GUCA1C: variants seen among roughly 807,000 people sequenced by gnomAD.
The protein encoded by GUCA1C is guanylyl cyclase-activating protein 3.
A neutral mutation model predicts 16.2 loss-of-function variants in GUCA1C; 15 were observed. The observed-to-expected ratio is 0.93, with a 90% CI of 0.62 to 1.43. The LOEUF (loss-of-function observed/expected upper bound fraction) is 1.43. Among genes scored for constraint, GUCA1C ranks in the 40% most tolerant of loss-of-function variants. The pLI is 0.00. For missense variants in GUCA1C, 275 were observed against 244.8 expected, an observed-to-expected ratio of 1.12 and a Z score of -0.82; for synonymous variants, 78 against 85.4, an observed-to-expected ratio of 0.91 and a Z score of 0.48.
chr3:108,945,683 C>G (rs914351243), intron 1 of GUCA1C, among the ~76,000 whole-genome samples: 1 of 152,030 alleles, frequency 6.6e-6, no homozygotes, highest in Non-Finnish European at 1.5e-5. Flanking sequence ...TAAGCATGTA[C>G]GTAGAACATG....
At chr3:108,919,267 G>T (rs1246136587) in intron 2 of GUCA1C, among the ~76,000 whole-genome samples, 1 of 151,650 alleles carries the variant, frequency 6.6e-6, no homozygotes, top group African/African-American at 2.4e-5. Flanking sequence ...AGGGCTTAAT[G>T]CATTAAGCAT....
At chr3:108,950,195 A>C (rs1033116932) in intron 1 of GUCA1C, among the ~76,000 whole-genome samples, 1 of 152,146 alleles carries the variant, frequency 6.6e-6, no homozygotes, top group South Asian at 2.1e-4. Flanking sequence ...CCCCAGGTTC[A>C]TCTATGTTGC....
chr3:108,953,341 C>T (rs1946914916), intron 1 of GUCA1C, among the ~76,000 whole-genome samples: 1 of 152,124 alleles, frequency 6.6e-6, no homozygotes, highest in Admixed American at 6.5e-5. Flanking sequence ...CAGAACACTT[C>T]CTAGGGTGGG....
intron 1 of GUCA1C, among the ~76,000 whole-genome samples, chr3:108,950,589 T>C (rs1490735114): frequency 6.6e-6 from 1 of 152,200 alleles, no homozygotes; most frequent in Non-Finnish European, 1.5e-5. Flanking sequence ...CAAGGAGAAA[T>C]CCACCATGCT....
At chr3:108,940,128 T>C (rs1946771146) in intron 1 of GUCA1C, among the ~76,000 whole-genome samples, 1 of 152,224 alleles carries the variant, frequency 6.6e-6, no homozygotes, top group Admixed American at 6.5e-5. Flanking sequence ...ACAAATATGA[T>C]GTACTTTATT....
chr3:108,935,359 A>T (rs922986226), intron 1 of GUCA1C, among the ~76,000 whole-genome samples: 1 of 151,396 alleles, frequency 6.6e-6, no homozygotes, highest in Admixed American at 6.8e-5. Flanking sequence ...AAAAAAAAAT[A>T]AAAAATAAAA....
rs548293288 is a variant in GUCA1C at position 108,935,029 on chromosome 3, G to A, written c.205-14444C>T. Among the ~76,000 whole-genome samples, 4 of 151,786 alleles carry A rather than the reference G, an allele frequency of 2.6e-5. No homozygotes were observed. The South Asian group carries it at 6.3e-4, about 24-fold the overall frequency. On this transcript the variant is annotated intron_variant, in intron 1 of 3. Coordinates refer to ENST00000261047, the MANE Select transcript of GUCA1C (RefSeq NM_005459.4). The stretch of plus-strand genomic sequence containing the variant: ...GGGGTTTCACCGTGTTAGCCAGGAC[G>A]GTCTCGATCTCCTGACCTCGTGATC...
intron 2 of GUCA1C, among the ~76,000 whole-genome samples, chr3:108,918,555 T>C (rs1946539778): frequency 6.6e-6 from 1 of 152,194 alleles, no homozygotes; most frequent in African/African-American, 2.4e-5. Context: ...CCCCATGTTA[T>C]TGACCTGGGG....
At chr3:108,939,564 T>TG (rs984024417) in intron 1 of GUCA1C, among the ~76,000 whole-genome samples, 21 of 151,372 alleles carry the variant, frequency 1.4e-4, no homozygotes, top group African/African-American at 5.1e-4. Flanking sequence ...TGACCTCAGG[T>TG]GATCCACCAG....
At chr3:108,931,215 T>TGACTGCATTTTTCAATGTC (rs139484154) in intron 1 of GUCA1C, among the ~76,000 whole-genome samples, 64,665 of 151,776 alleles carry the variant, frequency 0.43, 14,069 homozygotes, top group African/African-American at 0.44. Flanking sequence ...TCCACTTCAG[T>TGACTGCATTTTTCAATGTC]GACTGCATTT....
chr3:108,910,507 A>AT (rs1231316391), intron 3 of GUCA1C, among the ~76,000 whole-genome samples: 1 of 149,918 alleles, frequency 6.7e-6, no homozygotes, highest in African/African-American at 2.5e-5. Flanking sequence ...AAAAAAAAAA[A>AT]GGCAAAGATT....
At position 108,943,262 on chromosome 3, in the gene GUCA1C, A is replaced by C. The variant is rs539084524; in HGVS notation, c.204+10297T>G. Among the ~76,000 whole-genome samples, 25 of 152,280 alleles carry C rather than the reference A, an allele frequency of 1.6e-4. No individual in the cohort carries two copies. The South Asian group carries it at 2.3e-3, about 14-fold the overall frequency. On this transcript the variant is annotated intron_variant, in intron 1 of 3. Transcript: ENST00000261047. The stretch of plus-strand genomic sequence containing the variant: ...TGGGGGCGCTGATATGTGAGAGCCA[A>C]GAATGGTTGGATGACAGATAATAGA...
intron 2 of GUCA1C, among the ~76,000 whole-genome samples, chr3:108,919,381 G>T (rs146426271): frequency 1.3e-5 from 2 of 151,970 alleles, no homozygotes; most frequent in Non-Finnish European, 2.9e-5. Flanking sequence ...AAATTTACAC[G>T]AGGTTGTGTA....
chr3:108,951,802 T>C (rs1214208959), intron 1 of GUCA1C, among the ~76,000 whole-genome samples: 1 of 152,190 alleles, frequency 6.6e-6, no homozygotes, highest in Admixed American at 6.5e-5. Context: ...GGTCGGGCCA[T>C]TCCTGTGGTG....
chr3:108,910,479 C>T (rs1283753942), intron 3 of GUCA1C, among the ~76,000 whole-genome samples: 1 of 144,046 alleles, frequency 6.9e-6, no homozygotes, highest in East Asian at 2.1e-4. Flanking sequence ...GCCTGGGTGA[C>T]ACAGCGAGAC....
chr3:108,931,767 AGGAGATGT>A (rs1195666396), intron 1 of GUCA1C, among the ~76,000 whole-genome samples: 1 of 151,708 alleles, frequency 6.6e-6, no homozygotes, highest in Non-Finnish European at 1.5e-5. Context: ...TGCAAAGGTG[AGGAGATGT>A]CCCTGCAAAT....
intron 1 of GUCA1C, among the ~76,000 whole-genome samples, chr3:108,929,536 A>G (rs1053318030): frequency 6.6e-6 from 1 of 152,192 alleles, no homozygotes; most frequent in Admixed American, 6.5e-5. Context: ...TTCTGATCTC[A>G]GTGGGAAAGC....
intron 2 of GUCA1C, among the ~76,000 whole-genome samples, chr3:108,917,714 A>G (rs1946531529): frequency 6.6e-6 from 1 of 152,128 alleles, no homozygotes; most frequent in South Asian, 2.1e-4. Flanking sequence ...TGAATCATGC[A>G]TCTTGATTCC....
chr3:108,924,377 T>G (rs1375931045), intron 1 of GUCA1C, among the ~76,000 whole-genome samples: 1 of 152,198 alleles, frequency 6.6e-6, no homozygotes, highest in African/African-American at 2.4e-5. Flanking sequence ...TGTCAAATGC[T>G]TTTTCTGTGT....
Sources: gnomAD v4.1 joint callset for allele counts (sites outside exome capture counted in the v4.1 genomes callset) on GRCh38, gnomAD v4.1.1 for gene constraint, MANE v1.5 for transcripts, NCBI Gene and HGNC (gene_info 2026-07-23, HGNC 2026-07-21) for gene names.